Variants in LRRTM4 observed in about 807,000 individuals in gnomAD.
LRRTM4 encodes the protein leucine-rich repeat transmembrane neuronal protein 4.
A neutral mutation model predicts 47.6 loss-of-function variants in LRRTM4; 25 were observed. The ratio of observed to expected loss-of-function variants is 0.53; its 90% CI spans 0.38 to 0.73. The LOEUF is 0.73. Among genes scored for constraint, LRRTM4 ranks in the 30% least tolerant of loss-of-function variants. The pLI, the probability that LRRTM4 is intolerant of heterozygous loss-of-function variation, is 0.00. For synonymous variants in LRRTM4, 311 were observed against 269.5 expected, an observed-to-expected ratio of 1.15 and a Z score of -1.51; for missense variants, 638 against 713.4, an observed-to-expected ratio of 0.89 and a Z score of 1.20.
At chr2:77,023,269 T>A (rs1001275475) in intron 3 of LRRTM4, among the ~76,000 whole-genome samples, 1 of 152,148 alleles carries the variant, frequency 6.6e-6, no homozygotes, top group African/African-American at 2.4e-5. Flanking sequence ...GCCCTGACCA[T>A]GAAACCATTT....
intron 3 of LRRTM4, among the ~76,000 whole-genome samples, chr2:76,782,299 A>C (rs1261045328): frequency 6.6e-6 from 1 of 152,198 alleles, no homozygotes; most frequent in African/African-American, 2.4e-5. Context: ...AGGCAACTAC[A>C]GCTACAGATC....
At chr2:77,062,120 C>A (rs947432049) in intron 3 of LRRTM4, among the ~76,000 whole-genome samples, 1 of 152,040 alleles carries the variant, frequency 6.6e-6, no homozygotes, top group Non-Finnish European at 1.5e-5. Context: ...TTGAATTAAC[C>A]CTTGGGAAAG....
intron 3 of LRRTM4, among the ~76,000 whole-genome samples, chr2:77,327,946 C>G (rs916640064): frequency 4.6e-5 from 7 of 151,960 alleles, no homozygotes; most frequent in African/African-American, 1.7e-4. Context: ...GAAAGAGGGA[C>G]AGAAGACAAC....
intron 3 of LRRTM4, among the ~76,000 whole-genome samples, chr2:77,394,413 G>A (rs1673621148): frequency 6.6e-6 from 1 of 151,808 alleles, no homozygotes; most frequent in African/African-American, 2.4e-5. Context: ...CTGAGATGAT[G>A]CTATTCTTAA....
intron 3 of LRRTM4, among the ~76,000 whole-genome samples, chr2:77,047,468 G>C (rs1183095386): frequency 2.0e-5 from 3 of 151,944 alleles, no homozygotes; most frequent in African/African-American, 2.4e-5. Flanking sequence ...GAGCTGTGAG[G>C]AAGAAGCTGT....
At chr2:76,884,874 A>G (rs963951295) in intron 3 of LRRTM4, among the ~76,000 whole-genome samples, 5 of 152,172 alleles carry the variant, frequency 3.3e-5, no homozygotes, top group Non-Finnish European at 7.4e-5. Flanking sequence ...CCAAGAGGGT[A>G]CTTTCAAGAA....
intron 3 of LRRTM4, among the ~76,000 whole-genome samples, chr2:77,113,663 A>G (rs977694683): frequency 5.9e-5 from 9 of 152,158 alleles, no homozygotes; most frequent in Non-Finnish European, 1.2e-4. Flanking sequence ...CAGAAGAGGC[A>G]GAAGTGCACT....
intron 3 of LRRTM4, among the ~76,000 whole-genome samples, chr2:76,883,009 G>C (rs1410262263): frequency 6.6e-6 from 1 of 152,060 alleles, no homozygotes; most frequent in Admixed American, 6.5e-5. Context: ...GCTCCACTCT[G>C]CCAGCCAGGT....
intron 3 of LRRTM4, among the ~76,000 whole-genome samples, chr2:77,081,538 C>T (rs1680533759): frequency 6.6e-6 from 1 of 151,898 alleles, no homozygotes; most frequent in African/African-American, 2.4e-5. Flanking sequence ...GTAAACATAT[C>T]TATCTGCCAC....
At chr2:77,450,551 T>C (rs1676217074) in intron 3 of LRRTM4, among the ~76,000 whole-genome samples, 1 of 152,182 alleles carries the variant, frequency 6.6e-6, no homozygotes, top group Non-Finnish European at 1.5e-5. Flanking sequence ...ATAAAGTGTA[T>C]TTATTCTACA....
chr2:77,355,479 C>T (rs1273446171), intron 3 of LRRTM4, among the ~76,000 whole-genome samples: 2 of 152,062 alleles, frequency 1.3e-5, no homozygotes, highest in African/African-American at 2.4e-5. Context: ...TACTAATCAC[C>T]GGTTGTTCTG....
chr2:77,494,751 T>C (rs1391996056), intron 3 of LRRTM4, among the ~76,000 whole-genome samples: 3 of 152,110 alleles, frequency 2.0e-5, no homozygotes, highest in Non-Finnish European at 4.4e-5. Flanking sequence ...AAATCGAGAA[T>C]GTTTTCACCA....
At chr2:77,251,718 A>G (rs1675622602) in intron 3 of LRRTM4, among the ~76,000 whole-genome samples, 1 of 152,158 alleles carries the variant, frequency 6.6e-6, no homozygotes, top group Non-Finnish European at 1.5e-5. Context: ...TTGAGCCAGA[A>G]CTACTTAGCA....
intron 2 of LRRTM4, 122 bp downstream of exon 2, chr2:77,521,546 C>G: frequency 1.8e-6 from 2 of 1,120,844 alleles, no homozygotes; most frequent in East Asian, 4.8e-5. Flanking sequence ...AATCAACTGG[C>G]AAACTCAAAG....
intron 3 of LRRTM4, among the ~76,000 whole-genome samples, chr2:76,954,349 A>C (rs1178323077): frequency 1.3e-5 from 2 of 151,926 alleles, no homozygotes; most frequent in African/African-American, 4.8e-5. Flanking sequence ...GCAAGATAGA[A>C]ATTAATAACA....
intron 3 of LRRTM4, among the ~76,000 whole-genome samples, chr2:76,752,773 C>G (rs1340844101): frequency 6.6e-6 from 1 of 152,126 alleles, no homozygotes; most frequent in Non-Finnish European, 1.5e-5. Context: ...TGTTTCCTTT[C>G]CAGTAGTCAA....
chr2:76,816,913 T>C (rs1670918042), intron 3 of LRRTM4, among the ~76,000 whole-genome samples: 1 of 144,112 alleles, frequency 6.9e-6, no homozygotes, highest in Non-Finnish European at 1.5e-5. Context: ...GAAAAATAAA[T>C]GGCTTTTCAT....
chr2:77,277,648 T>G (rs1239958817), intron 3 of LRRTM4, among the ~76,000 whole-genome samples: 1 of 152,040 alleles, frequency 6.6e-6, no homozygotes, highest in African/African-American at 2.4e-5. Flanking sequence ...TAGAGCTTAG[T>G]GCACTCTTAA....
At chr2:77,093,915 A>T (rs1670730894) in intron 3 of LRRTM4, among the ~76,000 whole-genome samples, 1 of 145,252 alleles carries the variant, frequency 6.9e-6, no homozygotes, top group Non-Finnish European at 1.5e-5. Context: ...GCACCTTGCG[A>T]CCCCCACTCC....
Sources: gnomAD v4.1 joint callset for allele counts (sites outside exome capture counted in the v4.1 genomes callset) on GRCh38, gnomAD v4.1.1 for gene constraint, MANE v1.5 for transcripts, NCBI Gene and HGNC (gene_info 2026-07-23, HGNC 2026-07-21) for gene names.